MAPK1IP1L: variants seen among roughly 807,000 people sequenced by gnomAD.
The protein encoded by MAPK1IP1L is MAPK-interacting and spindle-stabilizing protein-like.
In MAPK1IP1L, 10 loss-of-function variants were observed where a neutral mutation model predicts 18.1. That is an observed-to-expected ratio of 0.55 (90% confidence interval 0.34 to 0.94). The LOEUF (loss-of-function observed/expected upper bound fraction) is 0.94, where lower values mean the gene tolerates loss of function less well. Among genes scored for constraint, MAPK1IP1L ranks in the 40% least tolerant of loss-of-function variants. The pLI, the probability that MAPK1IP1L is intolerant of heterozygous loss-of-function variation, is 0.02. For synonymous variants in MAPK1IP1L, 115 were observed against 117.3 expected, an observed-to-expected ratio of 0.98 and a Z score of 0.13; for missense variants, 260 against 318.2, an observed-to-expected ratio of 0.82 and a Z score of 1.39.
rs1209267970 is a variant in MAPK1IP1L, at chr14:55,067,556, C to G, written c.*2929C>G. On this transcript the variant is annotated 3_prime_UTR_variant, in exon 4 of 4. Transcript: ENST00000395468. ...CCCAAGTAGCTGGGATTACAGGTGC[C>G]CGCCACCACACCCATTTTTGTATTT... 6.6e-6 allele frequency: 1 copy of G among 151,846 alleles called. No individual in the cohort carries two copies. The highest frequency in any genetic ancestry group is 1.9e-4 in the East Asian group (1 of 5,188). 9.4% of individuals were successfully genotyped at this position (151,846 alleles called of 1,614,324 possible). A position where few individuals can be genotyped will look rare whatever the true frequency, so the allele number is the denominator to read the frequency against.
intron 1 of MAPK1IP1L, among the ~76,000 whole-genome samples, chr14:55,053,282 T>G (rs55843949): frequency 0.22 from 33,617 of 152,156 alleles, 3,788 homozygotes; most frequent in Admixed American, 0.24. Flanking sequence ...GTTTGGAGAG[T>G]TGGACTTGTC....
intron 1 of MAPK1IP1L, among the ~76,000 whole-genome samples, chr14:55,061,398 C>G (rs72715591): frequency 0.017 from 2,569 of 152,232 alleles, 26 homozygotes; most frequent in African/African-American, 0.038. Context: ...GAGATGTTCA[C>G]TGTATCATAC....
At chr14:55,054,484 A>C (rs2042755516) in intron 1 of MAPK1IP1L, among the ~76,000 whole-genome samples, 2 of 152,118 alleles carry the variant, frequency 1.3e-5, no homozygotes, top group African/African-American at 4.8e-5. Flanking sequence ...ATCCCCCCAT[A>C]CTAAACAAAT....
rs1013559177 is a variant in MAPK1IP1L, at chr14:55,067,257, T to G, written c.*2630T>G. The G allele has an allele frequency of 1.3e-5, 2 of 149,712 alleles. No homozygotes were observed. Among genetic ancestry groups the G allele is most frequent in the African/African-American group, 2.5e-5 (1 of 40,076 alleles). 9.3% of individuals were successfully genotyped at this position (149,712 alleles called of 1,614,324 possible). ...ATGGAGATAAAAGGGATAATATAAT[T>G]TGCTTTTATATTGTTATTTTTGTAA... On this transcript the variant is annotated 3_prime_UTR_variant, in exon 4 of 4. Transcript: ENST00000395468.
rs1039501825 is a variant in MAPK1IP1L, at chr14:55,069,109, T to G, written c.*4482T>G. The stretch of plus-strand genomic sequence containing the variant: ...GTAACAGGATAGTTTGCCTCTTCAC[T>G]TTACCCCTGGATAAAGGCACTTTCA... On this transcript the variant is annotated 3_prime_UTR_variant, in exon 4 of 4. Transcript: ENST00000395468. 6.6e-6 allele frequency: 1 copy of G among 152,172 alleles called. No individual in the cohort carries two copies. The highest frequency in any genetic ancestry group is 2.4e-5 in the African/African-American group (1 of 41,416). 9.4% of individuals were successfully genotyped at this position (152,172 alleles called of 1,614,324 possible). A position where few individuals can be genotyped will look rare whatever the true frequency, so the allele number is the denominator to read the frequency against.
intron 3 of MAPK1IP1L, 42 bp from the exon 4 acceptor site, chr14:55,064,574 T>C: frequency 6.2e-7 from 1 of 1,600,058 alleles, no homozygotes; most frequent in South Asian, 1.1e-5. Context: ...TAAACTCCAT[T>C]TGCAAAATCT....
intron 1 of MAPK1IP1L, among the ~76,000 whole-genome samples, chr14:55,053,629 C>T (rs1256028331): frequency 1.3e-5 from 2 of 152,192 alleles, no homozygotes; most frequent in Non-Finnish European, 2.9e-5. Context: ...TCTGCTAAGA[C>T]TTTAATACAA....
At chr14:55,052,477 C>A (rs1381272319) in intron 1 of MAPK1IP1L, among the ~76,000 whole-genome samples, 1 of 152,070 alleles carries the variant, frequency 6.6e-6, no homozygotes, top group East Asian at 1.9e-4. Context: ...CACATACCTG[C>A]GATAGCGTAT....
chr14:55,061,381 G>A (rs904795468), intron 1 of MAPK1IP1L, among the ~76,000 whole-genome samples: 2 of 152,146 alleles, frequency 1.3e-5, no homozygotes, highest in Non-Finnish European at 2.9e-5. Context: ...AAACAAAGAA[G>A]TGTTGAGAGA....
chr14:55,059,504 A>G (rs2042799202), intron 1 of MAPK1IP1L, among the ~76,000 whole-genome samples: 1 of 152,182 alleles, frequency 6.6e-6, no homozygotes, highest in Admixed American at 6.5e-5. Flanking sequence ...TTGAGCCCAG[A>G]AGGTCGAGTC....
rs1449619817 is a variant in MAPK1IP1L at position 55,067,496 on chromosome 14, G to A, written c.*2869G>A. The A allele has an allele frequency of 6.6e-6, 1 of 151,276 alleles. No individual in the cohort carries two copies. The highest frequency in any genetic ancestry group is 1.5e-5 in the Non-Finnish European group (1 of 67,900). 9.4% of individuals were successfully genotyped at this position (151,276 alleles called of 1,614,324 possible). ...GTGATCTTGGCTCGCTGCAACCTCT[G>A]CCTCCAGGTTCAAACGATTCTTCTG... is the stretch of plus-strand genomic sequence containing the variant. On this transcript the variant is annotated 3_prime_UTR_variant, in exon 4 of 4. Coordinates refer to ENST00000395468, the MANE Select transcript of MAPK1IP1L (RefSeq NM_144578.4).
Position 55,065,839 on chromosome 14 carries a change from A to T in MAPK1IP1L, c.*1212A>T, listed in dbSNP as rs997053286. On this transcript the variant is annotated 3_prime_UTR_variant, in exon 4 of 4. Coordinates refer to ENST00000395468, the MANE Select transcript of MAPK1IP1L (RefSeq NM_144578.4). ...CAGTTCTGTATTTGTTGACAGGTAA[A>T]TAAGTGGAGTTGAGTGCCATCTTTG... The T allele has an allele frequency of 6.6e-6, 1 of 152,230 alleles. No homozygotes were observed. Among genetic ancestry groups the T allele is most frequent in the Non-Finnish European group, 1.5e-5 (1 of 68,044 alleles). The allele number at this position is 152,230 out of a possible 1,614,324, so 9.4% of individuals were successfully genotyped here.
rs1013375665 is a variant in MAPK1IP1L, at chr14:55,054,554, C to T, written c.-5+2751C>T. On this transcript the variant is annotated intron_variant, in intron 1 of 3. Transcript: ENST00000395468. Reference sequence around the variant, plus strand: ...TAACAAATATCTAACATGTATATAGCACTTTATAGATTAAGTGTGTTACTA... The same window carrying T: ...TAACAAATATCTAACATGTATATAGTACTTTATAGATTAAGTGTGTTACTA... 5.3e-5 allele frequency among the ~76,000 whole-genome samples: 8 copies of T among 152,210 alleles called. No individual in the cohort carries two copies. The South Asian group carries it at 1.4e-3, about 28-fold the overall frequency.
rs1287501388 is a variant in MAPK1IP1L, at chr14:55,068,078, C to T, written c.*3451C>T. On this transcript the variant is annotated 3_prime_UTR_variant, in exon 4 of 4. Coordinates refer to ENST00000395468, the MANE Select transcript of MAPK1IP1L (RefSeq NM_144578.4). The stretch of plus-strand genomic sequence containing the variant: ...TCTCATCTTTTCATGCTTTTGAAGA[C>T]ACCATTTACAGCTCTGACTCAGCCC... The T allele has an allele frequency of 2.0e-5, 3 of 152,202 alleles. No homozygotes were observed. In the East Asian group the frequency reaches 5.8e-4, roughly 29 times the overall value. 9.4% of individuals were successfully genotyped at this position (152,202 alleles called of 1,614,324 possible). A position where few individuals can be genotyped will look rare whatever the true frequency, so the allele number is the denominator to read the frequency against.
intron 1 of MAPK1IP1L, among the ~76,000 whole-genome samples, chr14:55,056,626 C>T (rs538519355): frequency 9.2e-5 from 14 of 152,308 alleles, no homozygotes; most frequent in Admixed American, 8.5e-4. Context: ...TCTCTTGCCT[C>T]AGCCTCCTGA....
chr14:55,053,851 C>T (rs2042749766), intron 1 of MAPK1IP1L, among the ~76,000 whole-genome samples: 1 of 152,236 alleles, frequency 6.6e-6, no homozygotes, highest in Non-Finnish European at 1.5e-5. Flanking sequence ...AAGGCCAACA[C>T]ATTGTTTGGC....
chr14:55,059,316 G>A (rs1337638755), intron 1 of MAPK1IP1L, among the ~76,000 whole-genome samples: 2 of 151,290 alleles, frequency 1.3e-5, no homozygotes, highest in African/African-American at 4.9e-5. Context: ...AAATGGAATG[G>A]TACAGTTGCA....
intron 1 of MAPK1IP1L, among the ~76,000 whole-genome samples, chr14:55,056,670 T>C (rs564872535): frequency 2.1e-4 from 32 of 152,136 alleles, no homozygotes; most frequent in Non-Finnish European, 3.8e-4. Context: ...CCATTATGCC[T>C]GGCTAATTTT....
chr14:55,056,382 A>C (rs761662409), intron 1 of MAPK1IP1L, among the ~76,000 whole-genome samples: 1 of 152,208 alleles, frequency 6.6e-6, no homozygotes, highest in African/African-American at 2.4e-5. Flanking sequence ...CAGAAAGGCT[A>C]ACCCTGTTTA....
Sources: allele counts gnomAD v4.1 joint callset (sites outside exome capture counted in the v4.1 genomes callset), GRCh38; gene constraint gnomAD v4.1.1; transcripts MANE v1.5; gene names NCBI Gene and HGNC (gene_info 2026-07-23, HGNC 2026-07-21).